The following SCAI variants were observed in gnomAD, a reference collection of about 807,000 sequenced individuals.
SCAI encodes the protein protein SCAI.
A neutral mutation model predicts 92.2 loss-of-function variants in SCAI; 24 were observed. The observed-to-expected ratio is 0.26, with a 90% CI of 0.19 to 0.37. The LOEUF is 0.37. SCAI is among the 10% of genes least tolerant of loss of function. The pLI, the probability that SCAI is intolerant of heterozygous loss-of-function variation, is 1.00. For synonymous variants in SCAI, 261 were observed against 258.6 expected, an observed-to-expected ratio of 1.01 and a Z score of -0.09; for missense variants, 450 against 736.2, an observed-to-expected ratio of 0.61 and a Z score of 4.50.
intron 2 of SCAI, among the ~76,000 whole-genome samples, chr9:125,063,102 A>ACC (rs112388687): frequency 4.7e-4 from 65 of 138,018 alleles, no homozygotes; most frequent in South Asian, 1.6e-3. Context: ...ATAACCCCCC[A>ACC]CCCCCCCCAG....
intron 2 of SCAI, among the ~76,000 whole-genome samples, chr9:125,106,071 T>A (rs1309572817): frequency 9.1e-6 from 1 of 109,624 alleles, no homozygotes; most frequent in Non-Finnish European, 1.7e-5. Flanking sequence ...CACTCCAACC[T>A]GCGTGACAGA....
intron 2 of SCAI, among the ~76,000 whole-genome samples, chr9:125,063,836 C>T (rs989138128): frequency 2.0e-5 from 3 of 151,936 alleles, no homozygotes; most frequent in Non-Finnish European, 4.4e-5. Context: ...TTACTGCAAC[C>T]TCCATCTCCC....
chr9:125,099,136 A>G (rs1834625274), intron 2 of SCAI, among the ~76,000 whole-genome samples: 1 of 152,216 alleles, frequency 6.6e-6, no homozygotes, highest in African/African-American at 2.4e-5. Context: ...TGATACTGTT[A>G]GCTACATTCT....
chr9:125,069,297 A>T (rs1588195424), intron 2 of SCAI, among the ~76,000 whole-genome samples: 2 of 151,936 alleles, frequency 1.3e-5, no homozygotes, highest in East Asian at 3.9e-4. Context: ...ATGCTAAGAA[A>T]GGGATCATTT....
At chr9:124,983,923 C>G (rs144881122) in intron 14 of SCAI, among the ~76,000 whole-genome samples, 1 of 152,178 alleles carries the variant, frequency 6.6e-6, no homozygotes, top group Non-Finnish European at 1.5e-5. Flanking sequence ...AAGCAACACA[C>G]TGTGTTGTGC....
chr9:125,072,109 T>C (rs1250938459), intron 2 of SCAI, among the ~76,000 whole-genome samples: 23 of 151,800 alleles, frequency 1.5e-4, no homozygotes, highest in Admixed American at 1.2e-3. Context: ...CTGCAACCTC[T>C]GCCTCCCAGG....
In SCAI at chr9:125,052,927, G is replaced by GT. The variant is rs1395432739; in HGVS notation, c.230+2948dup. On this transcript the variant is annotated intron_variant, in intron 3 of 17. Transcript: ENST00000336505. The stretch of plus-strand genomic sequence containing the variant: ...TCTATAATCAAAAAGACAGAAAATA[G>GT]TAAGTGTTGATGAGAATGAGGAGAA... Among the ~76,000 whole-genome samples, 3 of 151,724 alleles carry GT rather than the reference G, an allele frequency of 2.0e-5. No homozygotes were observed. The East Asian group carries it at 5.9e-4, about 30-fold the overall frequency.
intron 9 of SCAI, among the ~76,000 whole-genome samples, chr9:125,016,243 C>T (rs529470873): frequency 1.3e-4 from 19 of 149,406 alleles, no homozygotes; most frequent in Admixed American, 1.1e-3. Context: ...AAAAAATTAA[C>T]CGGGCGTGGT....
At chr9:125,016,638 G>T (rs1256393226) in intron 9 of SCAI, among the ~76,000 whole-genome samples, 1 of 152,096 alleles carries the variant, frequency 6.6e-6, no homozygotes, top group Non-Finnish European at 1.5e-5. Flanking sequence ...TTGAACATCA[G>T]ATTTATGATA....
At chr9:125,058,314 G>C (rs1833711105) in intron 2 of SCAI, among the ~76,000 whole-genome samples, 1 of 152,040 alleles carries the variant, frequency 6.6e-6, no homozygotes. Flanking sequence ...AGGAGTTTGA[G>C]ACCAGCCTGG....
At position 124,994,984 on chromosome 9, in the gene SCAI, T is replaced by C. The variant is rs1302525944; in HGVS notation, c.1276A>G (p.Arg426Gly). 2 of 1,612,790 alleles carry C rather than the reference T, an allele frequency of 1.2e-6. No homozygotes were observed. The highest frequency in any genetic ancestry group is 8.5e-7 in the Non-Finnish European group (1 of 1,179,580). The change falls in exon 14 of 18, where the codon AGG becomes GGG. Residue 426 changes from arginine (R) to glycine (G), a missense_variant. By Grantham distance (125) the Arg-to-Gly change is moderately radical. Around this residue, in one of 3 missense-constraint regions of SCAI, gnomAD observed 360 missense variants for 601.8 expected, o/e 0.60. Coordinates refer to ENST00000336505, the MANE Select transcript of SCAI (RefSeq NM_001144877.3). ...LHPGDLYPFT[R>G]KPLFIIVDSS... Reference sequence around the variant, plus strand: ...TCCACAATGATGAACAGTGGCTTCCTGGTGAAAGGATAGAGATCCCCGGGA... The same window carrying C: ...TCCACAATGATGAACAGTGGCTTCCCGGTGAAAGGATAGAGATCCCCGGGA...
chr9:125,112,413 A>T (rs1285530023), intron 2 of SCAI, among the ~76,000 whole-genome samples: 2 of 152,216 alleles, frequency 1.3e-5, no homozygotes, highest in African/African-American at 4.8e-5. Flanking sequence ...CCAGAACAGG[A>T]CTGACATTAA....
chr9:125,017,141 A>G (rs1832776614), intron 9 of SCAI, among the ~76,000 whole-genome samples: 1 of 152,134 alleles, frequency 6.6e-6, no homozygotes, highest in South Asian at 2.1e-4. Flanking sequence ...GTGTGCACAT[A>G]TGGAGCTGTA....
chr9:125,058,653 G>A (rs144157256), intron 2 of SCAI, among the ~76,000 whole-genome samples: 140 of 152,248 alleles, frequency 9.2e-4, no homozygotes, highest in African/African-American at 3.1e-3. Flanking sequence ...AGAGCGCCTT[G>A]GAGCAGTGAT....
intron 9 of SCAI, among the ~76,000 whole-genome samples, chr9:125,014,313 A>G (rs942229270): frequency 1.3e-5 from 2 of 152,236 alleles, no homozygotes; most frequent in African/African-American, 2.4e-5. Flanking sequence ...CCTTAAGCTG[A>G]TAAGCAACTT....
At chr9:124,981,588 C>T (rs1312756077) in intron 14 of SCAI, among the ~76,000 whole-genome samples, 3 of 152,080 alleles carry the variant, frequency 2.0e-5, no homozygotes, top group Non-Finnish European at 2.9e-5. Context: ...TTAGATTTTA[C>T]TAAATGACTG....
intron 2 of SCAI, among the ~76,000 whole-genome samples, chr9:125,105,058 A>T (rs1834750312): frequency 6.6e-6 from 1 of 152,170 alleles, no homozygotes; most frequent in South Asian, 2.1e-4. Flanking sequence ...GCTGACAGTC[A>T]ACTGATACAT....
rs930712823 is a variant in SCAI, at chr9:125,002,048, A to T, written c.1066-5T>A. 6.2e-7 allele frequency: 1 copy of T among 1,601,564 alleles called. No individual in the cohort carries two copies. ...CACGCTATTGGCAGGCAGCTCCTGA[A>T]ATGAAAGAAAATCACATACACAAAA... On this transcript the variant is annotated splice_region_variant and splice_polypyrimidine_tract_variant and intron_variant, in intron 11 of 17. Transcript: ENST00000336505.
chr9:125,022,857 T>C (rs1196385212), intron 6 of SCAI, among the ~76,000 whole-genome samples: 1 of 152,238 alleles, frequency 6.6e-6, no homozygotes, highest in Non-Finnish European at 1.5e-5. Flanking sequence ...TTTGTGCTAA[T>C]TATACTTTTT....
Sources: gnomAD v4.1 joint callset for allele counts (sites outside exome capture counted in the v4.1 genomes callset) on GRCh38, gnomAD v4.1.1 for gene constraint, gnomAD v4.1.1 regional missense constraint, MANE v1.5 for transcripts, NCBI Gene and HGNC (gene_info 2026-07-23, HGNC 2026-07-21) for gene names.